CPD: variants seen among roughly 807,000 people sequenced by gnomAD.
The protein encoded by CPD is metallocarboxypeptidase D.
A neutral mutation model predicts 138.3 loss-of-function variants in CPD; 69 were observed. The observed-to-expected ratio is 0.50, with a 90% CI of 0.41 to 0.61. The LOEUF (loss-of-function observed/expected upper bound fraction) is 0.61, where lower values mean the gene tolerates loss of function less well. Among genes scored for constraint, CPD ranks in the 20% least tolerant of loss-of-function variants. CPD has a pLI of 0.00. For missense variants in CPD, 1,432 were observed against 1,733.3 expected (o/e 0.83, Z 3.09); for synonymous variants, 651 against 642.1 (o/e 1.01, Z -0.21).
chr17:30,450,799 C>T (rs1330135242), intron 13 of CPD, among the ~76,000 whole-genome samples: 1 of 152,146 alleles, frequency 6.6e-6, no homozygotes, highest in African/African-American at 2.4e-5. Flanking sequence ...GTCAAGACTG[C>T]AGTGAGCTGT....
intron 1 of CPD, chr17:30,380,581 T>C (rs1911013011): frequency 6.7e-7 from 1 of 1,500,990 alleles, no homozygotes; most frequent in Admixed American, 2.2e-5. Context: ...AATTACAAAG[T>C]AGAAGAAGGA....
chr17:30,396,287 A>G (rs932400266), intron 2 of CPD, among the ~76,000 whole-genome samples: 2 of 152,186 alleles, frequency 1.3e-5, no homozygotes, highest in Non-Finnish European at 2.9e-5. Context: ...TCCTATTTAA[A>G]AAAACACATT....
chr17:30,397,240 A>G (rs1049114561), intron 2 of CPD, among the ~76,000 whole-genome samples: 3 of 152,216 alleles, frequency 2.0e-5, no homozygotes, highest in South Asian at 4.1e-4. Context: ...GACTATTGTA[A>G]TAATTCAATT....
At chr17:30,411,514 T>C (rs1428102539) in intron 2 of CPD, among the ~76,000 whole-genome samples, 2 of 152,182 alleles carry the variant, frequency 1.3e-5, no homozygotes, top group East Asian at 3.8e-4. Context: ...GTAGATTTGG[T>C]TTTTTTACAT....
At position 30,451,704 on chromosome 17, in the gene CPD, G is replaced by T. The variant is rs749564267; in HGVS notation, c.3070-7G>T. On this transcript the variant is annotated splice_polypyrimidine_tract_variant and splice_region_variant and intron_variant, in intron 13 of 20. Coordinates refer to ENST00000225719, the MANE Select transcript of CPD (RefSeq NM_001304.5). ...TAGTAACTCGTTAATTTCTGTTTGT[G>T]CTTCAGTTGGTTGACAGGACTAGGA... 2 of 1,611,632 alleles carry T rather than the reference G, an allele frequency of 1.2e-6. No homozygotes were observed. The highest frequency in any genetic ancestry group is 3.4e-5 in the Admixed American group (2 of 59,614).
In CPD at chr17:30,422,939, C is replaced by A. The variant is rs752689302; in HGVS notation, c.1573C>A (p.Arg525=). ...RFANEYPNIT[R]LYSLGKSVES... ...TGCCAATGAATATCCTAACATTACCCGGCTTTATTCCTTGGGAAAATCAGT... is the reference window on the plus strand; with the variant it reads ...TGCCAATGAATATCCTAACATTACCAGGCTTTATTCCTTGGGAAAATCAGT... The change falls in exon 5 of 21, where the codon CGG becomes AGG. Residue 525 remains arginine, a synonymous_variant. Transcript: ENST00000225719. The A allele has an allele frequency of 8.7e-6, 14 of 1,613,992 alleles. No homozygotes were observed. The highest frequency in any genetic ancestry group is 1.2e-5 in the Non-Finnish European group (14 of 1,179,928).
At chr17:30,400,173 CCT>C (rs1421149942) in intron 2 of CPD, among the ~76,000 whole-genome samples, 3 of 151,810 alleles carry the variant, frequency 2.0e-5, no homozygotes, top group Non-Finnish European at 4.4e-5. Context: ...TTTCAGTTTG[CCT>C]CTCTCATTTT....
intron 2 of CPD, among the ~76,000 whole-genome samples, chr17:30,385,885 G>T (rs1911171235): frequency 6.6e-6 from 1 of 151,594 alleles, no homozygotes; most frequent in Admixed American, 6.6e-5. Flanking sequence ...GGTAAGATTA[G>T]GTCAGGTTTC....
intron 12 of CPD, among the ~76,000 whole-genome samples, chr17:30,447,922 A>G (rs1913071748): frequency 6.6e-6 from 1 of 152,184 alleles, no homozygotes; most frequent in African/African-American, 2.4e-5. Flanking sequence ...AGGTCTTTAC[A>G]TTTTGCCTTG....
intron 12 of CPD, 113 bp downstream of exon 12, chr17:30,446,133 G>A (rs1264149901): frequency 1.3e-6 from 1 of 762,828 alleles, no homozygotes; most frequent in Non-Finnish European, 2.1e-6. Flanking sequence ...AATGTACAGA[G>A]AGTTGGAGTT....
At position 30,420,933 on chromosome 17, in the gene CPD, C is replaced by T; in HGVS notation, c.1087C>T (p.Arg363Ter). The change falls in exon 3 of 21, where the codon CGA becomes TGA. Residue 363 changes from arginine (R) to a stop codon, truncating the protein, a stop_gained. Transcript: ENST00000225719. LOFTEE classifies it high-confidence loss of function. ...CCKYPPASQLRQEWENNRESL... is the reference protein window; with the variant it reads ...CCKYPPASQL ...CAAGTACCCACCTGCTTCACAGCTTCGACAGGAATGGGAGAACAATCGTGA... is the reference window on the plus strand; with the variant it reads ...CAAGTACCCACCTGCTTCACAGCTTTGACAGGAATGGGAGAACAATCGTGA... The T allele has an allele frequency of 3.1e-6, 5 of 1,613,682 alleles. No individual in the cohort carries two copies. The highest frequency in any genetic ancestry group is 4.2e-6 in the Non-Finnish European group (5 of 1,179,738).
intron 12 of CPD, among the ~76,000 whole-genome samples, chr17:30,446,855 A>T (rs1205078074): frequency 6.6e-6 from 1 of 152,162 alleles, no homozygotes; most frequent in Non-Finnish European, 1.5e-5. Context: ...CTGACTTTTT[A>T]ATGATTGCTA....
chr17:30,444,139 TA>T, intron 11 of CPD, 168 bp downstream of exon 11: 1 of 486,882 alleles, frequency 2.1e-6, no homozygotes, highest in Non-Finnish European at 3.5e-6. Flanking sequence ...GCAGATAGAG[TA>T]CACGAAAAAA....
At chr17:30,427,658 A>G in intron 7 of CPD, 100 bp downstream of exon 7, 1 of 1,068,542 alleles carries the variant, frequency 9.4e-7, no homozygotes, top group Non-Finnish European at 1.4e-6. Flanking sequence ...TCTTAAAATG[A>G]GTATCCTGTT....
intron 2 of CPD, among the ~76,000 whole-genome samples, chr17:30,404,643 T>G (rs556524933): frequency 1.4e-4 from 22 of 152,258 alleles, no homozygotes; most frequent in Non-Finnish European, 1.2e-4. Context: ...CATACCTATT[T>G]TAAAGATTTT....
At chr17:30,412,848 G>A (rs1344279791) in intron 2 of CPD, among the ~76,000 whole-genome samples, 2 of 152,178 alleles carry the variant, frequency 1.3e-5, no homozygotes, top group Non-Finnish European at 2.9e-5. Context: ...TTGAGGTGAC[G>A]CCCTGCCCTG....
chr17:30,462,451 C>T lies in CPD; in HGVS notation c.3898C>T (p.Leu1300Phe). ...CCGGATATTTGGTTTGCCAAGGGAG[C>T]TTGTGGTAACTGTATCAGGTAAAGA... ...DNRIFGLPRE[L>F]VVTVSGATMS... is the part of the protein sequence containing the mutation. Residue 1300 changes from leucine (L) to phenylalanine (F), a missense_variant, in exon 20 of 21, where the codon CTT becomes TTT. Physicochemically the swap from Leu to Phe is conservative, Grantham distance 22 (BLOSUM62 0). Around this residue, in one of 6 missense-constraint regions of CPD, gnomAD observed 366 missense variants for 518.8 expected, o/e 0.71. Transcript: ENST00000225719. The T allele has an allele frequency of 6.2e-7, 1 of 1,613,380 alleles. No individual in the cohort carries two copies. Among genetic ancestry groups the T allele is most frequent in the Non-Finnish European group, 8.5e-7 (1 of 1,179,474 alleles).
chr17:30,434,581 T>C (rs1912650279), intron 8 of CPD, among the ~76,000 whole-genome samples: 1 of 152,032 alleles, frequency 6.6e-6, no homozygotes, highest in Admixed American at 6.6e-5. Flanking sequence ...TTTAATGGGA[T>C]AAGTACAATT....
At chr17:30,388,196 G>C (rs1296099096) in intron 2 of CPD, among the ~76,000 whole-genome samples, 1 of 152,166 alleles carries the variant, frequency 6.6e-6, no homozygotes, top group African/African-American at 2.4e-5. Context: ...ATGCCGATTG[G>C]TTCATGGGCG....
Sources: gnomAD v4.1 joint callset for allele counts (sites outside exome capture counted in the v4.1 genomes callset) on GRCh38, gnomAD v4.1.1 for gene constraint, gnomAD v4.1.1 regional missense constraint, MANE v1.5 for transcripts, NCBI Gene and HGNC (gene_info 2026-07-23, HGNC 2026-07-21) for gene names.